The following PTGR1 variants were observed in gnomAD, a reference collection of about 807,000 sequenced individuals.
The protein encoded by PTGR1 is prostaglandin reductase 1, also known as 15-oxoprostaglandin 13-reductase.
A neutral mutation model predicts 37.7 loss-of-function variants in PTGR1; 23 were observed. The ratio of observed to expected loss-of-function variants is 0.61; its 90% CI spans 0.44 to 0.86. The LOEUF is 0.86. PTGR1 is among the 40% of genes least tolerant of loss of function. The pLI is 0.00. For missense variants in PTGR1, 351 were observed against 394.3 expected (o/e 0.89, Z 0.93); for synonymous variants, 134 against 140.0 (o/e 0.96, Z 0.30).
chr9:111,553,050 G>T (rs545483570), intron 9 of PTGR1, among the ~76,000 whole-genome samples: 1 of 152,084 alleles, frequency 6.6e-6, no homozygotes, highest in Non-Finnish European at 1.5e-5. Flanking sequence ...TGTTTAAATT[G>T]TTTTGTTAGA....
chr9:111,580,435 T>C lies in PTGR1; in HGVS notation c.496-1484A>G, dbSNP rs186762908. 1.4e-4 allele frequency among the ~76,000 whole-genome samples: 22 copies of C among 152,294 alleles called. No homozygotes were observed. The East Asian group carries it at 3.7e-3, about 25-fold the overall frequency. Reference sequence around the variant, plus strand: ...TCCATGTCCAATCATCTGGTTTTCTTCCTCTTTTTTAACCAAACAGCCTTA... The same window carrying C: ...TCCATGTCCAATCATCTGGTTTTCTCCCTCTTTTTTAACCAAACAGCCTTA... On this transcript the variant is annotated intron_variant, in intron 6 of 9. Coordinates refer to ENST00000407693, the MANE Select transcript of PTGR1 (RefSeq NM_001146108.2).
intron 6 of PTGR1, 98 bp downstream of exon 6, chr9:111,583,374 A>T (rs1470322589): frequency 5.1e-6 from 5 of 973,892 alleles, no homozygotes; most frequent in Non-Finnish European, 8.0e-6. Flanking sequence ...AGACAACTAG[A>T]CTATAAACTC....
intron 7 of PTGR1, 31 bp downstream of exon 7, chr9:111,578,761 TAATA>T: frequency 6.4e-7 from 1 of 1,565,980 alleles, no homozygotes; most frequent in South Asian, 1.2e-5. Flanking sequence ...AGTACTTCCA[TAATA>T]AATTAGATAT....
At chr9:111,583,404 T>G (rs1401327802) in intron 6 of PTGR1, 68 bp downstream of exon 6, 1 of 1,302,908 alleles carries the variant, frequency 7.7e-7, no homozygotes, top group African/African-American at 1.5e-5. Context: ...AAGGAAGATT[T>G]GCTGTGTTCA....
chr9:111,594,481 C>T (rs912646129), intron 2 of PTGR1, among the ~76,000 whole-genome samples: 25 of 151,974 alleles, frequency 1.6e-4, no homozygotes, highest in African/African-American at 5.6e-4. Context: ...CATATGTACC[C>T]CTAAAACTAA....
At position 111,586,146 on chromosome 9, in the gene PTGR1, C is replaced by T. The variant is rs1249583807; in HGVS notation, c.229G>A (p.Val77Ile). 6.2e-7 allele frequency: 1 copy of T among 1,614,042 alleles called. No individual in the cohort carries two copies. Among genetic ancestry groups the T allele is most frequent in the South Asian group, 1.1e-5 (1 of 91,058 alleles). Residue 77 changes from valine (V) to isoleucine (I), a missense_variant, in exon 5 of 10, where the codon GTA becomes ATA. Coordinates refer to ENST00000407693, the MANE Select transcript of PTGR1 (RefSeq NM_001146108.2). ...QVAKVVESKN[V>I]ALPKGTIVLA... is the part of the protein sequence containing the mutation. ...ACAATAGTTCCTTTTGGTAGGGCTACATTTTTACTTTCCACAACTCTGAAA... is the reference window on the plus strand; with the variant it reads ...ACAATAGTTCCTTTTGGTAGGGCTATATTTTTACTTTCCACAACTCTGAAA...
chr9:111,582,689 C>A (rs966800291), intron 6 of PTGR1, among the ~76,000 whole-genome samples: 1 of 152,212 alleles, frequency 6.6e-6, no homozygotes, highest in Non-Finnish European at 1.5e-5. Context: ...CTTACTTAAA[C>A]AAATTATTCT....
chr9:111,598,851 A>T (rs1299639441), intron 1 of PTGR1, among the ~76,000 whole-genome samples: 1 of 152,062 alleles, frequency 6.6e-6, no homozygotes, highest in Non-Finnish European at 1.5e-5. Context: ...TTCGAAATAC[A>T]CATTATTGGC....
intron 1 of PTGR1, among the ~76,000 whole-genome samples, chr9:111,598,663 T>C (rs956789737): frequency 6.6e-6 from 1 of 151,818 alleles, no homozygotes; most frequent in African/African-American, 2.4e-5. Flanking sequence ...CCCAGCTAAT[T>C]TTTGTACTTT....
At chr9:111,597,994 G>GT (rs34861111) in intron 1 of PTGR1, among the ~76,000 whole-genome samples, 245 of 146,614 alleles carry the variant, frequency 1.7e-3, no homozygotes, top group East Asian at 4.6e-3. Flanking sequence ...TTTCAGGTGC[G>GT]TTTTTTTTTT....
In PTGR1 at chr9:111,596,711, G is replaced by A. The variant is rs555458051; in HGVS notation, c.106+606C>T. Among the ~76,000 whole-genome samples, 55 of 151,502 alleles carry A rather than the reference G, an allele frequency of 3.6e-4. No individual in the cohort carries two copies. The South Asian group carries it at 0.011, about 31-fold the overall frequency. On this transcript the variant is annotated intron_variant, in intron 2 of 9. Transcript: ENST00000407693. ...TGGGAGGCAAAGGTTGCAGTGAGCC[G>A]AGATTGCTCCACTGCAATCCAGCCT...
At chr9:111,574,619 AAG>A in intron 8 of PTGR1, 113 bp downstream of exon 8, 12 of 727,084 alleles carry the variant, frequency 1.7e-5, no homozygotes, top group South Asian at 9.1e-5. Context: ...AAAAAAAAAA[AAG>A]AATATATGAA....
downstream of PTGR1, among the ~76,000 whole-genome samples, chr9:111,561,237 C>T (rs1349845770): frequency 6.8e-6 from 1 of 146,190 alleles, no homozygotes; most frequent in East Asian, 2.0e-4. Context: ...TTCAAGTCTT[C>T]TTTTGTGTTC....
chr9:111,586,396 C>T (rs927069666), intron 4 of PTGR1, among the ~76,000 whole-genome samples: 4 of 152,092 alleles, frequency 2.6e-5, no homozygotes, highest in African/African-American at 7.2e-5. Context: ...GGGTGAGGAG[C>T]GCCTGTTCTC....
chr9:111,557,274 T>C (rs556487238), intron 9 of PTGR1, among the ~76,000 whole-genome samples: 62 of 151,760 alleles, frequency 4.1e-4, no homozygotes, highest in African/African-American at 1.4e-3. Flanking sequence ...CTTGGGAGGC[T>C]GAGGTGGGAG....
At chr9:111,570,774 G>A (rs1461091918) in intron 8 of PTGR1, among the ~76,000 whole-genome samples, 1 of 151,942 alleles carries the variant, frequency 6.6e-6, no homozygotes, top group Non-Finnish European at 1.5e-5. Context: ...ATGAGACTCT[G>A]CCTCAAAAAA....
intron 6 of PTGR1, among the ~76,000 whole-genome samples, chr9:111,580,225 C>A (rs936407865): frequency 6.6e-6 from 1 of 152,108 alleles, no homozygotes; most frequent in African/African-American, 2.4e-5. Flanking sequence ...TTCCAACAAC[C>A]TATAGATGTC....
intron 4 of PTGR1, among the ~76,000 whole-genome samples, chr9:111,591,370 CTTTTTT>C (rs756079285): frequency 8.2e-6 from 1 of 122,074 alleles, no homozygotes; most frequent in African/African-American, 3.3e-5. Flanking sequence ...TTTTCTTTTT[CTTTTTT>C]TTTTTTTTTT....
chr9:111,590,329 C>T (rs938584069), intron 4 of PTGR1, among the ~76,000 whole-genome samples: 1 of 151,972 alleles, frequency 6.6e-6, no homozygotes, highest in South Asian at 2.1e-4. Context: ...ATAAGGGAAA[C>T]AGGTTAATAC....
Sources: gnomAD v4.1 joint callset for allele counts (sites outside exome capture counted in the v4.1 genomes callset) on GRCh38, gnomAD v4.1.1 for gene constraint, MANE v1.5 for transcripts, NCBI Gene and HGNC (gene_info 2026-07-23, HGNC 2026-07-21) for gene names.